The following SNTB2 variants were observed in gnomAD, a reference collection of about 807,000 sequenced individuals.
SNTB2 encodes syntrophin beta 2.
A neutral mutation model predicts 46.2 loss-of-function variants in SNTB2; 34 were observed. That is an observed-to-expected ratio of 0.74 (90% CI 0.56 to 0.98). The LOEUF is 0.98. Ranked by LOEUF, SNTB2 falls within the 50% of genes least tolerant of loss-of-function variation. SNTB2 has a pLI of 0.00. For missense variants in SNTB2, 603 were observed against 731.4 expected (o/e 0.82, Z 2.02); for synonymous variants, 290 against 312.6 (o/e 0.93, Z 0.76).
chr16:69,266,596 T>G (rs913031602), intron 3 of SNTB2, among the ~76,000 whole-genome samples: 1 of 152,234 alleles, frequency 6.6e-6, no homozygotes, highest in Non-Finnish European at 1.5e-5. Context: ...GCATTTTTCC[T>G]TTAGGGCTCA....
chr16:69,219,824 C>T (rs1002017148), intron 1 of SNTB2, among the ~76,000 whole-genome samples: 5 of 152,048 alleles, frequency 3.3e-5, no homozygotes, highest in African/African-American at 1.2e-4. Flanking sequence ...GATCTTGGCT[C>T]ACTGCAACCT....
intron 1 of SNTB2, among the ~76,000 whole-genome samples, chr16:69,223,926 G>A (rs191661101): frequency 5.3e-4 from 81 of 152,042 alleles, no homozygotes; most frequent in African/African-American, 1.8e-3. Context: ...CACCACACCC[G>A]GCCGACAGTT....
At chr16:69,235,669 G>T (rs1017995469) in intron 1 of SNTB2, 25 of 1,229,726 alleles carry the variant, frequency 2.0e-5, no homozygotes, top group Non-Finnish European at 2.5e-5. Context: ...AAAAACCCTG[G>T]CACCAATATG....
At chr16:69,189,314 C>G (rs1252821779) in intron 1 of SNTB2, among the ~76,000 whole-genome samples, 1 of 152,102 alleles carries the variant, frequency 6.6e-6, no homozygotes, top group Admixed American at 6.5e-5. Flanking sequence ...AACTGTTACT[C>G]TAAACGTGTA....
At chr16:69,257,402 C>T (rs1964788241) in intron 2 of SNTB2, among the ~76,000 whole-genome samples, 1 of 150,388 alleles carries the variant, frequency 6.6e-6, no homozygotes, top group East Asian at 1.9e-4. Flanking sequence ...AGCCCTTTGG[C>T]TGTTCATGAC....
intron 4 of SNTB2, among the ~76,000 whole-genome samples, chr16:69,282,045 A>G (rs1467825016): frequency 6.7e-6 from 1 of 149,486 alleles, no homozygotes; most frequent in Non-Finnish European, 1.5e-5. Context: ...AGCTGAGATT[A>G]CAGGCGCCCA....
intron 1 of SNTB2, among the ~76,000 whole-genome samples, chr16:69,219,056 A>G (rs1964375591): frequency 6.6e-6 from 1 of 152,138 alleles, no homozygotes; most frequent in Non-Finnish European, 1.5e-5. Flanking sequence ...AGAAGTGAGT[A>G]TTTAACTTTA....
intron 5 of SNTB2, among the ~76,000 whole-genome samples, chr16:69,292,907 C>A (rs971871727): frequency 3.9e-5 from 6 of 152,028 alleles, no homozygotes; most frequent in African/African-American, 1.4e-4. Context: ...TGTGAAAAAG[C>A]CAGTGCCTCA....
chr16:69,300,994 A>G lies in SNTB2; in HGVS notation c.*70A>G, dbSNP rs1597206720. 1 of 987,174 alleles carries G rather than the reference A, an allele frequency of 1.0e-6. No homozygotes were observed. Among genetic ancestry groups the G allele is most frequent in the East Asian group, 2.4e-5 (1 of 41,420 alleles). 61.2% of individuals were successfully genotyped at this position (987,174 alleles called of 1,614,324 possible). On this transcript the variant is annotated 3_prime_UTR_variant, in exon 7 of 7. Transcript: ENST00000336278. ...TTCCACCTCAAAAAAAAAAAAGCAC[A>G]AAAAGAAACTCTTTGCTCTCCTTCA...
rs1052357116 is a variant in SNTB2 at position 69,303,941 on chromosome 16, A to G, written c.*3017A>G. 3.9e-5 allele frequency: 6 copies of G among 152,224 alleles called. No individual in the cohort carries two copies. The highest frequency in any genetic ancestry group is 1.4e-4 in the African/African-American group (6 of 41,458). 9.4% of individuals were successfully genotyped at this position (152,224 alleles called of 1,614,324 possible). ...GTGGGTTCCAGTGTGTGGAATGGAA[A>G]GGAAACTGCAGAATAGTGTCTGCTC... On this transcript the variant is annotated 3_prime_UTR_variant, in exon 7 of 7. Transcript: ENST00000336278.
chr16:69,205,843 TAATG>T lies in SNTB2; in HGVS notation c.580+18098_580+18101del, dbSNP rs200105555. ...CCTGAAATAAAACAGAAGTTTCTAA[TAATG>T]CTTCTTAAAAATACTTAAATGCAAC... On this transcript the variant is annotated intron_variant, in intron 1 of 6. Coordinates refer to ENST00000336278, the MANE Select transcript of SNTB2 (RefSeq NM_006750.4). 7.8e-3 allele frequency among the ~76,000 whole-genome samples: 1,192 copies of T among 152,306 alleles called. 4 individuals are homozygous for T. The highest frequency in any genetic ancestry group is 0.011 in the Non-Finnish European group (721 of 68,018).
chr16:69,255,602 T>C (rs2143074367), intron 2 of SNTB2, among the ~76,000 whole-genome samples: 1 of 150,468 alleles, frequency 6.6e-6, no homozygotes, highest in East Asian at 1.9e-4. Flanking sequence ...TTGTTGGGGC[T>C]GGGCACGATG....
At chr16:69,222,931 G>A (rs1473184271) in intron 1 of SNTB2, among the ~76,000 whole-genome samples, 1 of 150,428 alleles carries the variant, frequency 6.6e-6, no homozygotes, top group Non-Finnish European at 1.5e-5. Flanking sequence ...ACTGGCACAT[G>A]CCACCATGCC....
rs1224247572 is a variant in SNTB2 at position 69,187,694 on chromosome 16, C to T, written c.528C>T (p.His176=). ...VNGTDLRQAT[H]DQAVQALKRA... ...GCACCGACCTGCGCCAGGCCACCCA[C>T]GACCAGGCCGTGCAGGCGCTGAAGC... Residue 176 remains histidine, a synonymous_variant, in exon 1 of 7, where the codon CAC becomes CAT. Coordinates refer to ENST00000336278, the MANE Select transcript of SNTB2 (RefSeq NM_006750.4). 1.9e-6 allele frequency: 3 copies of T among 1,542,124 alleles called. No individual in the cohort carries two copies. The South Asian group carries it at 3.6e-5, about 18-fold the overall frequency.
At chr16:69,194,862 C>T (rs1189949771) in intron 1 of SNTB2, among the ~76,000 whole-genome samples, 6 of 152,136 alleles carry the variant, frequency 3.9e-5, no homozygotes, top group Admixed American at 3.9e-4. Context: ...ACATTCATTA[C>T]ATTGCTCTAA....
rs1048480220 is a variant in SNTB2, at chr16:69,245,701, G to T, written c.680G>T (p.Gly227Val). The change falls in exon 2 of 7, where the codon GGC (glycine) becomes GTC (valine). Residue 227 changes from glycine to valine, a missense_variant. Transcript: ENST00000336278. The part of the protein sequence containing the change: ...GAAPQSPSFS[G>V]SEDSGSPKHQ... ...GCCCCCCAGTCACCAAGCTTTAGTG[G>T]CAGTGAGGACTCTGGTTCGCCAAAA... is the stretch of plus-strand genomic sequence containing the variant. The T allele has an allele frequency of 1.2e-6, 2 of 1,614,086 alleles. No homozygotes were observed. The highest frequency in any genetic ancestry group is 1.7e-6 in the Non-Finnish European group (2 of 1,180,028).
chr16:69,193,318 C>CTTTTTTTTTTTT lies in SNTB2; in HGVS notation c.580+5589_580+5600dup. On this transcript the variant is annotated intron_variant, in intron 1 of 6. Coordinates refer to ENST00000336278, the MANE Select transcript of SNTB2 (RefSeq NM_006750.4). ...TTGAAAGAGACTCAGATGGTATAGA[C>CTTTTTTTTTTTT]TTTTTTTTTTTTTTTTTTTTTTTTT... is the stretch of plus-strand genomic sequence containing the variant. Among the ~76,000 whole-genome samples the CTTTTTTTTTTTT allele has an allele frequency of 2.8e-5, 2 of 70,194 alleles. 1 individual carries two copies. Among genetic ancestry groups the CTTTTTTTTTTTT allele is most frequent in the Non-Finnish European group, 5.4e-5 (2 of 36,712 alleles). 46.0% of individuals were successfully genotyped at this position (70,194 alleles called of 152,430 possible).
At chr16:69,272,439 C>T (rs770297851) in intron 4 of SNTB2, among the ~76,000 whole-genome samples, 1 of 149,158 alleles carries the variant, frequency 6.7e-6, no homozygotes, top group Non-Finnish European at 1.5e-5. Context: ...ACTCGGGAGG[C>T]TGAGGCAGAA....
intron 5 of SNTB2, among the ~76,000 whole-genome samples, chr16:69,285,687 C>T (rs754111629): frequency 1.3e-5 from 2 of 151,604 alleles, no homozygotes; most frequent in Non-Finnish European, 2.9e-5. Context: ...AGATGGGCCT[C>T]GCTTTGTTGC....
Sources: allele counts gnomAD v4.1 joint callset (sites outside exome capture counted in the v4.1 genomes callset), GRCh38; gene constraint gnomAD v4.1.1; transcripts MANE v1.5; gene names NCBI Gene and HGNC (gene_info 2026-07-23, HGNC 2026-07-21).